Variants in PBX2 observed in about 807,000 individuals in gnomAD.
PBX2 encodes PBX homeobox 2.
PBX2 carries 10 observed loss-of-function variants against 46.5 expected under a neutral mutation model. The observed-to-expected ratio is 0.21, with a 90% CI of 0.13 to 0.36. The LOEUF is 0.36. Among genes scored for constraint, PBX2 ranks in the 10% least tolerant of loss-of-function variants. The probability of loss-of-function intolerance (pLI) is 1.00; values close to 1 mark genes in which losing one functional copy is unlikely to be tolerated. For synonymous variants in PBX2, 160 were observed against 222.5 expected (o/e 0.72, Z 2.50); for missense variants, 392 against 580.5 (o/e 0.68, Z 3.34).
chr6:32,186,290 T>C lies in PBX2; in HGVS notation c.*92A>G. 3.6e-6 allele frequency: 3 copies of C among 826,432 alleles called. No individual in the cohort carries two copies. The highest frequency in any genetic ancestry group is 6.1e-6 in the Non-Finnish European group (3 of 492,614). 51.2% of individuals were successfully genotyped at this position (826,432 alleles called of 1,614,324 possible). ...CCATTGGCCCTTCTCTGTCTTGTGC[T>C]TCTCCTGTATTGGGGTTTGTCCTCT... On this transcript the variant is annotated 3_prime_UTR_variant, in exon 9 of 9. Transcript: ENST00000375050. This position sits in a 1 kb window ranked among gnomAD's most constrained non-coding sequence, Gnocchi z 4.2.
At position 32,189,247 on chromosome 6, in the gene PBX2, G is replaced by A. The variant is rs1787288827; in HGVS notation, c.221+448C>T. On this transcript the variant is annotated intron_variant, in intron 1 of 8. Coordinates refer to ENST00000375050, the MANE Select transcript of PBX2 (RefSeq NM_002586.5). This position sits in a 1 kb window ranked among gnomAD's most constrained non-coding sequence, Gnocchi z 4.7. ...GGGTCCTGGGGCTGAGCAGGTGGGA[G>A]GCTTTGATGCACCTAGTGTCTGGCT... 6.6e-6 allele frequency among the ~76,000 whole-genome samples: 1 copy of A among 151,982 alleles called. No individual in the cohort carries two copies. The highest frequency in any genetic ancestry group is 2.4e-5 in the African/African-American group (1 of 41,344).
chr6:32,186,661 T>G lies in PBX2; in HGVS notation c.1143A>C (p.Pro381=), dbSNP rs776509373. ...QVESLRHSMG[P]GGYGDNLGGG... ...CCCCGAGGTTATCCCCATAGCCCCC[T>G]GGCCCCATCGAGTGTCGGAGTGATT... The change falls in exon 8 of 9, where the codon CCA becomes CCC. Residue 381 remains proline (P), a synonymous_variant. Transcript: ENST00000375050. This position sits in a 1 kb window ranked among gnomAD's most constrained non-coding sequence, Gnocchi z 4.2. The G allele has an allele frequency of 6.8e-6, 11 of 1,613,194 alleles. No individual in the cohort carries two copies. In the African/African-American group the frequency reaches 1.5e-4, roughly 22 times the overall value.
In PBX2 at chr6:32,188,431, C is replaced by T. The variant is rs748104770; in HGVS notation, c.369G>A (p.Leu123=). The T allele has an allele frequency of 6.2e-7, 1 of 1,614,046 alleles. No homozygotes were observed. The highest frequency in any genetic ancestry group is 1.3e-5 in the African/African-American group (1 of 74,938). ...PQLMRLDNML[L]AEGVAGPEKG... is the part of the protein sequence containing the mutation. ...TCTCGGGCCCAGCCACACCCTCTGC[C>T]AGAAGCATGTTGTCCAAGCGCATCA... Residue 123 remains leucine, a synonymous_variant, in exon 3 of 9, where the codon CTG becomes CTA. Coordinates refer to ENST00000375050, the MANE Select transcript of PBX2 (RefSeq NM_002586.5). The surrounding 1 kb of genome is among the most constrained non-coding windows in gnomAD (Gnocchi z 6.5).
chr6:32,189,749 A>C lies in PBX2; in HGVS notation c.167T>G (p.Ile56Ser), dbSNP rs1258476316. Reference protein sequence around the residue: ...GGRGKQDIGDILQQIMTITDQ... With the variant: ...GGRGKQDIGDSLQQIMTITDQ... ...GGTGATGGTCATTATCTGCTGCAGA[A>C]TGTCCCCGATGTCTTGCTTCCCTCG... is the stretch of plus-strand genomic sequence containing the variant. The change falls in exon 1 of 9, where the codon ATT becomes AGT. Residue 56 changes from isoleucine (I) to serine (S), a missense_variant. Ile to Ser is a moderately radical substitution (Grantham distance 142). Around this residue, in one of 3 missense-constraint regions of PBX2, gnomAD observed 196 missense variants for 246.9 expected, o/e 0.79. Coordinates refer to ENST00000375050, the MANE Select transcript of PBX2 (RefSeq NM_002586.5). The surrounding 1 kb of genome is among the most constrained non-coding windows in gnomAD (Gnocchi z 4.7). 27 of 1,607,512 alleles carry C rather than the reference A, an allele frequency of 1.7e-5. No homozygotes were observed. The highest frequency in any genetic ancestry group is 2.0e-5 in the Non-Finnish European group (23 of 1,177,362).
At position 32,188,086 on chromosome 6, in the gene PBX2, G is replaced by A. The variant is rs1191603334; in HGVS notation, c.614C>T (p.Pro205Leu). ...GCTCACCATGCGTTCCATCTCTTTG[G>A]GGGCCACGGGCCTGGTGCGGCTCTG... is the stretch of plus-strand genomic sequence containing the variant. ...REQSRTRPVAPKEMERMVSII... is the reference protein window; with the variant it reads ...REQSRTRPVALKEMERMVSII... Residue 205 changes from proline to leucine, a missense_variant, in exon 4 of 9, where the codon CCC becomes CTC. Coordinates refer to ENST00000375050, the MANE Select transcript of PBX2 (RefSeq NM_002586.5). This position sits in a 1 kb window ranked among gnomAD's most constrained non-coding sequence, Gnocchi z 6.5. The A allele has an allele frequency of 6.3e-7, 1 of 1,596,430 alleles. No individual in the cohort carries two copies. The highest frequency in any genetic ancestry group is 1.7e-5 in the Admixed American group (1 of 58,364).
At position 32,188,705 on chromosome 6, in the gene PBX2, CG is replaced by C. The variant is rs9281667; in HGVS notation, c.295+17del. On this transcript the variant is annotated intron_variant, in intron 2 of 8. Transcript: ENST00000375050. This position sits in a 1 kb window ranked among gnomAD's most constrained non-coding sequence, Gnocchi z 6.5. ...GTTCTGTTCCCAGAGTTGAGCAATCCGGGGGGGGCCCACATACCAGTTTTCT... is the reference window on the plus strand; with the variant it reads ...GTTCTGTTCCCAGAGTTGAGCAATCCGGGGGGGCCCACATACCAGTTTTCT... 35 of 1,604,410 alleles carry C rather than the reference CG, an allele frequency of 2.2e-5. No homozygotes were observed. Among genetic ancestry groups the C allele is most frequent in the African/African-American group, 9.4e-5 (7 of 74,626 alleles).
chr6:32,189,613 T>G lies in PBX2; in HGVS notation c.221+82A>C. 1.9e-6 allele frequency: 2 copies of G among 1,032,298 alleles called. No individual in the cohort carries two copies. The highest frequency in any genetic ancestry group is 1.6e-5 in the African/African-American group (1 of 61,350). The allele number at this position is 1,032,298 out of a possible 1,614,324, so 63.9% of individuals were successfully genotyped here. A position where few individuals can be genotyped will look rare whatever the true frequency, so the allele number is the denominator to read the frequency against. ...TTGGATCCTGGAGAGGGCCCTGGAG[T>G]TGGGGGGGGCTCCCAGAAGATTCAG... On this transcript the variant is annotated intron_variant, in intron 1 of 8. Coordinates refer to ENST00000375050, the MANE Select transcript of PBX2 (RefSeq NM_002586.5). This position sits in a 1 kb window ranked among gnomAD's most constrained non-coding sequence, Gnocchi z 4.7.
Position 32,186,746 on chromosome 6 carries a change from C to G in PBX2, c.1114-56G>C. The G allele has an allele frequency of 6.3e-7, 1 of 1,595,782 alleles. No individual in the cohort carries two copies. Among genetic ancestry groups the G allele is most frequent in the Non-Finnish European group, 8.6e-7 (1 of 1,163,330 alleles). ...AAGAGAAGCCTCAGAGGAAAGAGGT[C>G]TTGTATCCTAAAGTAGAGGAAATGG... On this transcript the variant is annotated intron_variant, in intron 7 of 8. Transcript: ENST00000375050. This position sits in a 1 kb window ranked among gnomAD's most constrained non-coding sequence, Gnocchi z 4.2.
Position 32,189,650 on chromosome 6 carries a change from G to A in PBX2, c.221+45C>T, listed in dbSNP as rs757318470. The A allele has an allele frequency of 2.4e-5, 34 of 1,436,442 alleles. No homozygotes were observed. Among genetic ancestry groups the A allele is most frequent in the African/African-American group, 8.6e-5 (6 of 70,122 alleles). 89.0% of individuals were successfully genotyped at this position (1,436,442 alleles called of 1,614,324 possible). On this transcript the variant is annotated intron_variant, in intron 1 of 8. Coordinates refer to ENST00000375050, the MANE Select transcript of PBX2 (RefSeq NM_002586.5). This position sits in a 1 kb window ranked among gnomAD's most constrained non-coding sequence, Gnocchi z 4.7. ...CCCAGAAGATTCAGAACATGTGAAC[G>A]GGGTTTGCTGGGTCTGTGTGGGGTC...
At position 32,186,529 on chromosome 6, in the gene PBX2, G is replaced by C; in HGVS notation, c.1201-55C>G. 2 of 1,576,486 alleles carry C rather than the reference G, an allele frequency of 1.3e-6. No homozygotes were observed. Among genetic ancestry groups the C allele is most frequent in the Non-Finnish European group, 1.7e-6 (2 of 1,145,806 alleles). On this transcript the variant is annotated intron_variant, in intron 8 of 8. Transcript: ENST00000375050. This position sits in a 1 kb window ranked among gnomAD's most constrained non-coding sequence, Gnocchi z 4.2. ...GAGAAAGCCCTGGGAACCCTGTGTG[G>C]GCACAACATTACTAGGGAAAATGCC...
chr6:32,189,930 C>T lies in PBX2; in HGVS notation c.-15G>A, dbSNP rs1787352718. ...CGTTCGTCCATAGCTGGGGGGGGGCCCTGAGGCCCCCTCCCTGCTCCGCCC... is the reference window on the plus strand; with the variant it reads ...CGTTCGTCCATAGCTGGGGGGGGGCTCTGAGGCCCCCTCCCTGCTCCGCCC... On this transcript the variant is annotated 5_prime_UTR_variant, in exon 1 of 9. Coordinates refer to ENST00000375050, the MANE Select transcript of PBX2 (RefSeq NM_002586.5). The surrounding 1 kb of genome is among the most constrained non-coding windows in gnomAD (Gnocchi z 4.7). The T allele has an allele frequency of 8.8e-7, 1 of 1,135,844 alleles. No individual in the cohort carries two copies. The highest frequency in any genetic ancestry group is 1.2e-6 in the Non-Finnish European group (1 of 839,880). 70.4% of individuals were successfully genotyped at this position (1,135,844 alleles called of 1,614,324 possible).
rs1787146992 is a variant in PBX2, at chr6:32,186,488, C to CA, written c.1201-15dup. The CA allele has an allele frequency of 2.5e-6, 4 of 1,611,728 alleles. No individual in the cohort carries two copies. In the East Asian group the frequency reaches 8.9e-5, roughly 36 times the overall value. On this transcript the variant is annotated splice_polypyrimidine_tract_variant and intron_variant, in intron 8 of 8. Transcript: ENST00000375050. The surrounding 1 kb of genome is among the most constrained non-coding windows in gnomAD (Gnocchi z 4.2). ...GCTGCCATTTGCCTGAAAGGAGAGA[C>CA]AGAGTACAGAAAACAGAGAAAGCCC... is the stretch of plus-strand genomic sequence containing the variant.
In PBX2 at chr6:32,188,942, G is replaced by A. The variant is rs1484628549; in HGVS notation, c.222-146C>T. 5 of 679,446 alleles carry A rather than the reference G, an allele frequency of 7.4e-6. No homozygotes were observed. The East Asian group carries it at 1.3e-4, about 18-fold the overall frequency. 42.1% of individuals were successfully genotyped at this position (679,446 alleles called of 1,614,324 possible). On this transcript the variant is annotated intron_variant, in intron 1 of 8. Transcript: ENST00000375050. The surrounding 1 kb of genome is among the most constrained non-coding windows in gnomAD (Gnocchi z 6.5). ...GAATGAGTTGGGGGTGGAATGAGGAGTTCTTGGGAAAAGATCAGCTCCCAG... is the reference window on the plus strand; with the variant it reads ...GAATGAGTTGGGGGTGGAATGAGGAATTCTTGGGAAAAGATCAGCTCCCAG...
rs1787296045 is a variant in PBX2, at chr6:32,189,378, C to T, written c.221+317G>A. Among the ~76,000 whole-genome samples, 2 of 152,060 alleles carry T rather than the reference C, an allele frequency of 1.3e-5. No individual in the cohort carries two copies. The highest frequency in any genetic ancestry group is 4.2e-4 in the South Asian group (2 of 4,816). ...AGAGTTAGGGGAGAAGATAACGTAG[C>T]CCAAGAACAGTTTCTTAGTCTGGGA... On this transcript the variant is annotated intron_variant, in intron 1 of 8. Transcript: ENST00000375050. The surrounding 1 kb of genome is among the most constrained non-coding windows in gnomAD (Gnocchi z 4.7).
At position 32,185,625 on chromosome 6, in the gene PBX2, ACC is replaced by A. The variant is rs1351189003; in HGVS notation, c.*755_*756del. The A allele has an allele frequency of 1.3e-5, 2 of 150,906 alleles. No homozygotes were observed. The highest frequency in any genetic ancestry group is 2.1e-4 in the South Asian group (1 of 4,738). The allele number at this position is 150,906 out of a possible 1,614,324, so 9.3% of individuals were successfully genotyped here. ...AAAATTAAGAACCACCACCACCACC[ACC>A]ACCAACAACAACAAAAACAACAACA... is the stretch of plus-strand genomic sequence containing the variant. On this transcript the variant is annotated 3_prime_UTR_variant, in exon 9 of 9. Transcript: ENST00000375050.
In PBX2 at chr6:32,186,127, G is replaced by A. The variant is rs1414404320; in HGVS notation, c.*255C>T. On this transcript the variant is annotated 3_prime_UTR_variant, in exon 9 of 9. Transcript: ENST00000375050. This position sits in a 1 kb window ranked among gnomAD's most constrained non-coding sequence, Gnocchi z 4.2. ...GGTTTCTCGGTATGTGTATGTTTCT[G>A]TGTAAGAAAGAAAGCGAGAGAGGAA... 1 of 562,000 alleles carries A rather than the reference G, an allele frequency of 1.8e-6. No homozygotes were observed. The highest frequency in any genetic ancestry group is 1.9e-5 in the African/African-American group (1 of 53,246). The allele number at this position is 562,000 out of a possible 1,614,324, so 34.8% of individuals were successfully genotyped here.
In PBX2 at chr6:32,188,436, G is replaced by A; in HGVS notation, c.364C>T (p.Leu122Phe). Residue 122 changes from leucine to phenylalanine, a missense_variant, in exon 3 of 9, where the codon CTT becomes TTT. Transcript: ENST00000375050. This position sits in a 1 kb window ranked among gnomAD's most constrained non-coding sequence, Gnocchi z 6.5. ...GGCCCAGCCACACCCTCTGCCAGAA[G>A]CATGTTGTCCAAGCGCATCAGCTGT... The part of the protein sequence containing the change: ...DPQLMRLDNM[L>F]LAEGVAGPEK... 1 of 1,614,144 alleles carries A rather than the reference G, an allele frequency of 6.2e-7. No individual in the cohort carries two copies. Among genetic ancestry groups the A allele is most frequent in the African/African-American group, 1.3e-5 (1 of 75,062 alleles).
Position 32,189,652 on chromosome 6 carries a change from G to T in PBX2, c.221+43C>A. On this transcript the variant is annotated intron_variant, in intron 1 of 8. Coordinates refer to ENST00000375050, the MANE Select transcript of PBX2 (RefSeq NM_002586.5). This position sits in a 1 kb window ranked among gnomAD's most constrained non-coding sequence, Gnocchi z 4.7. ...CAGAAGATTCAGAACATGTGAACGG[G>T]GTTTGCTGGGTCTGTGTGGGGTCCC... The T allele has an allele frequency of 1.4e-6, 2 of 1,456,640 alleles. No homozygotes were observed. Among genetic ancestry groups the T allele is most frequent in the Non-Finnish European group, 1.9e-6 (2 of 1,045,260 alleles). 90.2% of individuals were successfully genotyped at this position (1,456,640 alleles called of 1,614,324 possible). A position where few individuals can be genotyped will look rare whatever the true frequency, so the allele number is the denominator to read the frequency against.
rs775196874 is a variant in PBX2 at position 32,189,827 on chromosome 6, T to C, written c.89A>G (p.Glu30Gly). Residue 30 changes from glutamate to glycine, a missense_variant, in exon 1 of 9, where the codon GAG (glutamate) becomes GGG (glycine). By Grantham distance (98) the Glu-to-Gly change is moderately conservative (BLOSUM62 -2). Transcript: ENST00000375050. This position sits in a 1 kb window ranked among gnomAD's most constrained non-coding sequence, Gnocchi z 4.7. ...ACCGGGGTCTCCGCCACCGGGAGGCTCGCCAGGGCCCCCAGGCTCCCCACT... is the reference window on the plus strand; with the variant it reads ...ACCGGGGTCTCCGCCACCGGGAGGCCCGCCAGGGCCCCCAGGCTCCCCACT... ...LVSGEPGGPG[E>G]PPGGGDPGGG... 4.1e-5 allele frequency: 64 copies of C among 1,578,888 alleles called. 1 individual carries two copies. Among genetic ancestry groups the C allele is most frequent in the Non-Finnish European group, 5.2e-5 (61 of 1,162,378 alleles).
Sources: gnomAD v4.1 joint callset for allele counts (sites outside exome capture counted in the v4.1 genomes callset) on GRCh38, gnomAD v4.1.1 for gene constraint, gnomAD v4.1.1 regional missense constraint, Gnocchi (gnomAD v3.1) non-coding constraint, MANE v1.5 for transcripts, NCBI Gene and HGNC (gene_info 2026-07-23, HGNC 2026-07-21) for gene names.